Variants in CCDC91 observed in about 807,000 individuals in gnomAD.
CCDC91 encodes coiled-coil domain-containing protein 91.
CCDC91 carries 48 observed loss-of-function variants against 63.2 expected under a neutral mutation model. The observed-to-expected ratio is 0.76, with a 90% CI of 0.60 to 0.97. CCDC91 has a LOEUF of 0.97. CCDC91 is among the 50% of genes least tolerant of loss of function. The pLI is 0.00. For missense variants in CCDC91, 500 were observed against 494.6 expected, an observed-to-expected ratio of 1.01 and a Z score of -0.10; for synonymous variants, 167 against 165.8, an observed-to-expected ratio of 1.01 and a Z score of -0.06.
chr12:28,297,058 G>C (rs371752983), intron 3 of CCDC91, among the ~76,000 whole-genome samples: 10 of 151,836 alleles, frequency 6.6e-5, no homozygotes, highest in African/African-American at 2.2e-4. Context: ...TGGATAATAG[G>C]GTGTTTGAAT....
At chr12:28,293,946 AACACAC>A (rs1450270837) in intron 3 of CCDC91, among the ~76,000 whole-genome samples, 1 of 152,102 alleles carries the variant, frequency 6.6e-6, no homozygotes, top group African/African-American at 2.4e-5. Context: ...CTGGAAAAAT[AACACAC>A]ACACGCCCAA....
chr12:28,389,836 A>T (rs763711917), intron 7 of CCDC91, among the ~76,000 whole-genome samples: 57 of 152,034 alleles, frequency 3.7e-4, no homozygotes, highest in Non-Finnish European at 7.5e-4. Flanking sequence ...TAACTATATT[A>T]TTTTTTAACT....
intron 1 of CCDC91, among the ~76,000 whole-genome samples, chr12:28,227,269 G>A (rs1343081159): frequency 6.6e-6 from 1 of 152,108 alleles, no homozygotes; most frequent in Non-Finnish European, 1.5e-5. Flanking sequence ...TTGATGGGGA[G>A]TTATTTTCCA....
intron 7 of CCDC91, among the ~76,000 whole-genome samples, chr12:28,379,179 G>A (rs562933099): frequency 7.2e-5 from 11 of 151,986 alleles, no homozygotes; most frequent in Non-Finnish European, 1.3e-4. Flanking sequence ...CTTAAGATGT[G>A]TAGAGTTTAC....
chr12:28,246,167 A>G (rs1321838769), intron 1 of CCDC91, among the ~76,000 whole-genome samples: 5 of 152,202 alleles, frequency 3.3e-5, no homozygotes, highest in African/African-American at 1.2e-4. Flanking sequence ...CCCTTTAAAA[A>G]TAGTTCAGAT....
At chr12:28,478,143 C>T (rs548254497) in intron 11 of CCDC91, among the ~76,000 whole-genome samples, 100 of 152,144 alleles carry the variant, frequency 6.6e-4, no homozygotes, top group Non-Finnish European at 1.0e-3. Context: ...AAAAAGAGCC[C>T]GCATTGCCAA....
At chr12:28,487,670 A>T (rs1423544889) in intron 12 of CCDC91, among the ~76,000 whole-genome samples, 1 of 151,482 alleles carries the variant, frequency 6.6e-6, no homozygotes, top group East Asian at 1.9e-4. Context: ...TAAACTAAAG[A>T]GTCAACTTGA....
chr12:28,472,266 A>C (rs1434048829), intron 11 of CCDC91, among the ~76,000 whole-genome samples: 4 of 152,216 alleles, frequency 2.6e-5, no homozygotes, highest in Admixed American at 2.6e-4. Flanking sequence ...GAAAGAGCCC[A>C]GCCAAGACAA....
At chr12:28,430,719 T>A (rs1417475524) in intron 8 of CCDC91, among the ~76,000 whole-genome samples, 1 of 152,170 alleles carries the variant, frequency 6.6e-6, no homozygotes, top group Non-Finnish European at 1.5e-5. Context: ...TTACTTTTCC[T>A]GGAGAAATAT....
At chr12:28,369,196 T>C (rs1268045631) in intron 7 of CCDC91, among the ~76,000 whole-genome samples, 1 of 152,198 alleles carries the variant, frequency 6.6e-6, no homozygotes, top group Admixed American at 6.5e-5. Context: ...CCTATGAGCC[T>C]GTAAAATCAA....
intron 7 of CCDC91, among the ~76,000 whole-genome samples, chr12:28,386,707 A>T (rs1424578544): frequency 6.6e-6 from 1 of 152,196 alleles, no homozygotes; most frequent in Non-Finnish European, 1.5e-5. Context: ...CCTCAAGTTT[A>T]GTGAATTAAA....
intron 3 of CCDC91, among the ~76,000 whole-genome samples, chr12:28,267,905 TATTATATATAATTATTATA>T (rs1482628638): frequency 1.8e-5 from 1 of 55,740 alleles, no homozygotes; most frequent in African/African-American, 5.2e-5. Context: ...TATATAATTA[TATTATATATAATTATTATA>T]ATTATATATA....
At chr12:28,263,703 TTTATG>T (rs886951424) in intron 3 of CCDC91, among the ~76,000 whole-genome samples, 2 of 152,024 alleles carry the variant, frequency 1.3e-5, no homozygotes, top group African/African-American at 2.4e-5. Context: ...CTCCCATCTC[TTTATG>T]TCTATGTTAG....
intron 11 of CCDC91, among the ~76,000 whole-genome samples, chr12:28,476,014 G>GCA (rs1951067208): frequency 6.6e-6 from 1 of 151,646 alleles, no homozygotes. Context: ...CTAGTATTTT[G>GCA]GTTAAAAAAA....
At chr12:28,500,665 A>G (rs1378527181) in intron 12 of CCDC91, among the ~76,000 whole-genome samples, 1 of 151,752 alleles carries the variant, frequency 6.6e-6, no homozygotes, top group Admixed American at 6.6e-5. Flanking sequence ...AAATTTATCT[A>G]CCTATTAACT....
chr12:28,430,192 T>C (rs1565959704), intron 8 of CCDC91, among the ~76,000 whole-genome samples: 1 of 152,076 alleles, frequency 6.6e-6, no homozygotes, highest in Non-Finnish European at 1.5e-5. Context: ...AGTTTATGAT[T>C]TTTATAAAGG....
chr12:28,395,919 C>T (rs1276295654), intron 8 of CCDC91, among the ~76,000 whole-genome samples: 1 of 152,208 alleles, frequency 6.6e-6, no homozygotes, highest in Non-Finnish European at 1.5e-5. Context: ...TCCCTCTCTC[C>T]TCTTTATTTA....
At chr12:28,253,378 A>T (rs1397011364) in intron 1 of CCDC91, among the ~76,000 whole-genome samples, 2 of 152,132 alleles carry the variant, frequency 1.3e-5, no homozygotes, top group African/African-American at 2.4e-5. Context: ...ACCTGTGTTG[A>T]TATCTTCCTG....
chr12:28,419,166 T>C (rs1947856871), intron 8 of CCDC91, among the ~76,000 whole-genome samples: 1 of 152,092 alleles, frequency 6.6e-6, no homozygotes, highest in Non-Finnish European at 1.5e-5. Flanking sequence ...TGCAACCCAG[T>C]GTGGAAAGCC....
Sources: allele counts gnomAD v4.1 joint callset (sites outside exome capture counted in the v4.1 genomes callset), GRCh38; gene constraint gnomAD v4.1.1; transcripts MANE v1.5; gene names NCBI Gene and HGNC (gene_info 2026-07-23, HGNC 2026-07-21).